SUPT3H: variants seen among roughly 807,000 people sequenced by gnomAD.
SUPT3H encodes SPT3 homolog, SAGA and STAGA complex component.
In SUPT3H, 44 loss-of-function variants were observed where a neutral mutation model predicts 44.3. The observed-to-expected ratio is 0.99, with a 90% CI of 0.78 to 1.28. The LOEUF (loss-of-function observed/expected upper bound fraction) is 1.28. Ranked by LOEUF, SUPT3H falls within the 50% of genes most tolerant of loss-of-function variation. The pLI, the probability that SUPT3H is intolerant of heterozygous loss-of-function variation, is 0.00. For synonymous variants in SUPT3H, 124 were observed against 125.6 expected (o/e 0.99, Z 0.09); for missense variants, 380 against 387.1 (o/e 0.98, Z 0.15).
chr6:45,216,489 AAGAT>A (rs1284838049), intron 2 of SUPT3H, among the ~76,000 whole-genome samples: 1 of 152,236 alleles, frequency 6.6e-6, no homozygotes, highest in African/African-American at 2.4e-5. Context: ...CACCAATTAA[AAGAT>A]AGGCTGGATA....
intron 7 of SUPT3H, 94 bp from the exon 8 acceptor site, chr6:44,954,701 G>A (rs549376203): frequency 3.4e-5 from 24 of 709,952 alleles, no homozygotes; most frequent in Admixed American, 1.8e-4. Flanking sequence ...AGTATACTCA[G>A]AATTGTACAC....
intron 2 of SUPT3H, among the ~76,000 whole-genome samples, chr6:45,223,916 AG>A: frequency 6.6e-6 from 1 of 150,654 alleles, no homozygotes; most frequent in Non-Finnish European, 1.5e-5. Context: ...AATTACAAGT[AG>A]AATACTAAAA....
At chr6:45,025,057 T>C (rs999553175) in intron 3 of SUPT3H, among the ~76,000 whole-genome samples, 2 of 152,306 alleles carry the variant, frequency 1.3e-5, no homozygotes, top group African/African-American at 4.8e-5. Context: ...AATTATAATT[T>C]ATTATCCTTA....
chr6:45,335,770 C>T (rs1180320285), intron 2 of SUPT3H, among the ~76,000 whole-genome samples: 1 of 151,158 alleles, frequency 6.6e-6, no homozygotes, highest in Non-Finnish European at 1.5e-5. Flanking sequence ...ATCAAGACAA[C>T]AGCATCTTAA....
chr6:45,051,135 C>T (rs537613145), intron 3 of SUPT3H, among the ~76,000 whole-genome samples: 49 of 152,092 alleles, frequency 3.2e-4, no homozygotes, highest in Admixed American at 7.9e-4. Context: ...GTGATCCACC[C>T]GCCTCGGCCT....
chr6:45,003,237 C>T (rs1332215247), intron 6 of SUPT3H, among the ~76,000 whole-genome samples: 2 of 152,060 alleles, frequency 1.3e-5, no homozygotes, highest in African/African-American at 4.8e-5. Flanking sequence ...TCAGAGCCTG[C>T]AACTATAGCC....
intron 10 of SUPT3H, among the ~76,000 whole-genome samples, chr6:44,863,930 A>T (rs1393512951): frequency 6.6e-6 from 1 of 151,978 alleles, no homozygotes; most frequent in Non-Finnish European, 1.5e-5. Context: ...TATGGGAGAA[A>T]CTGCCCCCAT....
intron 2 of SUPT3H, among the ~76,000 whole-genome samples, chr6:45,311,251 ACCCT>A (rs1299472487): frequency 3.3e-5 from 5 of 152,104 alleles, no homozygotes; most frequent in Non-Finnish European, 5.9e-5. Context: ...ATATGAACAA[ACCCT>A]CCAAGAAGTT....
intron 2 of SUPT3H, among the ~76,000 whole-genome samples, chr6:45,292,837 C>A (rs1170091223): frequency 6.7e-6 from 1 of 148,176 alleles, no homozygotes; most frequent in Non-Finnish European, 1.5e-5. Flanking sequence ...ATTTATAAAA[C>A]AATTACTAAC....
chr6:44,895,254 GTTTTTT>G, intron 10 of SUPT3H, among the ~76,000 whole-genome samples: 1 of 119,318 alleles, frequency 8.4e-6, no homozygotes, highest in South Asian at 2.8e-4. Context: ...ACTTAGTCTT[GTTTTTT>G]TTTTTTTTTT....
At chr6:44,898,088 TG>T (rs1764378036) in intron 10 of SUPT3H, among the ~76,000 whole-genome samples, 1 of 152,214 alleles carries the variant, frequency 6.6e-6, no homozygotes, top group Admixed American at 6.5e-5. Context: ...GAATTTGCAT[TG>T]GGACTAAGAA....
intron 2 of SUPT3H, among the ~76,000 whole-genome samples, chr6:45,121,828 A>G (rs1801721284): frequency 6.6e-6 from 1 of 152,036 alleles, no homozygotes; most frequent in Non-Finnish European, 1.5e-5. Context: ...GGCACCCGCC[A>G]CCACGCCCAG....
intron 2 of SUPT3H, among the ~76,000 whole-genome samples, chr6:45,286,248 G>A (rs1779243089): frequency 6.6e-6 from 1 of 151,952 alleles, no homozygotes; most frequent in Non-Finnish European, 1.5e-5. Flanking sequence ...TGAGAAATGG[G>A]ATCTAATTAA....
chr6:45,270,537 G>C (rs776962490), intron 2 of SUPT3H, among the ~76,000 whole-genome samples: 4 of 152,170 alleles, frequency 2.6e-5, no homozygotes, highest in Non-Finnish European at 5.9e-5. Context: ...TGTAGCACGG[G>C]ACTTGCTCCT....
rs550103413 is a variant in SUPT3H, at chr6:44,892,193, T to A, written c.912+40460A>T. Among the ~76,000 whole-genome samples the A allele has an allele frequency of 7.2e-5, 11 of 152,208 alleles. No individual in the cohort carries two copies. In the South Asian group the frequency reaches 1.9e-3, roughly 26 times the overall value. On this transcript the variant is annotated intron_variant, in intron 10 of 10. Transcript: ENST00000371459. ...CATATGTTGAACCCCTAACCCCCAA[T>A]GTGACTATATTTGGAGACAGAGCTC...
chr6:44,893,295 T>C (rs6458413), intron 10 of SUPT3H, among the ~76,000 whole-genome samples: 11,492 of 152,188 alleles, frequency 0.076, 871 homozygotes, highest in African/African-American at 0.18. Context: ...GTTACATATG[T>C]ATACATGTGC....
intron 10 of SUPT3H, among the ~76,000 whole-genome samples, chr6:44,870,315 G>T (rs888603714): frequency 6.6e-6 from 1 of 152,054 alleles, no homozygotes; most frequent in Admixed American, 6.5e-5. Flanking sequence ...TGTGTATGTC[G>T]GCCAGGCGTG....
chr6:45,354,345 G>A (rs980360789), intron 2 of SUPT3H, among the ~76,000 whole-genome samples: 1 of 151,966 alleles, frequency 6.6e-6, no homozygotes, highest in African/African-American at 2.4e-5. Flanking sequence ...AAGGAAAAAA[G>A]GACAGTTGCC....
At chr6:45,324,703 A>G (rs2150049698) in intron 2 of SUPT3H, among the ~76,000 whole-genome samples, 1 of 152,046 alleles carries the variant, frequency 6.6e-6, no homozygotes, top group South Asian at 2.1e-4. Context: ...ATAATCTCAC[A>G]TTTAGACAGC....
Sources: allele counts gnomAD v4.1 joint callset (sites outside exome capture counted in the v4.1 genomes callset), GRCh38; gene constraint gnomAD v4.1.1; transcripts MANE v1.5; gene names NCBI Gene and HGNC (gene_info 2026-07-23, HGNC 2026-07-21).